The following RABGAP1 variants were observed in gnomAD, a reference collection of about 807,000 sequenced individuals.
RABGAP1 encodes the protein RAB GTPase activating protein 1, also known as rab GTPase-activating protein 1.
In RABGAP1, 23 loss-of-function variants were observed where a neutral mutation model predicts 137.6. The ratio of observed to expected loss-of-function variants is 0.17; its 90% confidence interval spans 0.12 to 0.24. The LOEUF (loss-of-function observed/expected upper bound fraction) is 0.24, where lower values mean the gene tolerates loss of function less well. RABGAP1 is among the 10% of genes least tolerant of loss of function. The probability of loss-of-function intolerance (pLI) is 1.00; values close to 1 mark genes in which losing one functional copy is unlikely to be tolerated. For synonymous variants in RABGAP1, 451 were observed against 450.7 expected (o/e 1.00, Z -0.01); for missense variants, 906 against 1,275.8 (o/e 0.71, Z 4.42).
chr9:123,011,486 G>A (rs530167885), intron 11 of RABGAP1, among the ~76,000 whole-genome samples: 2 of 152,262 alleles, frequency 1.3e-5, no homozygotes, highest in East Asian at 1.9e-4. Context: ...CTTTCTTCAT[G>A]TTTAGAGTGA....
At chr9:122,957,332 T>A in intron 2 of RABGAP1, 123 bp downstream of exon 2, 1 of 724,626 alleles carries the variant, frequency 1.4e-6, no homozygotes, top group Non-Finnish European at 2.0e-6. Flanking sequence ...CTTCTTTTTC[T>A]TTAAAGAATT....
chr9:122,943,496 G>C (rs1003487137), intron 1 of RABGAP1, among the ~76,000 whole-genome samples: 3 of 152,180 alleles, frequency 2.0e-5, no homozygotes, highest in African/African-American at 7.2e-5. Flanking sequence ...ATAGTATTTT[G>C]TTTGCAGTTT....
intron 6 of RABGAP1, among the ~76,000 whole-genome samples, chr9:122,992,655 A>G (rs909895598): frequency 1.3e-5 from 2 of 149,136 alleles, no homozygotes; most frequent in East Asian, 1.9e-4. Context: ...TTATTTAAGT[A>G]TAATGATCAA....
intron 10 of RABGAP1, among the ~76,000 whole-genome samples, chr9:123,006,012 A>G (rs188487752): frequency 6.6e-6 from 1 of 152,140 alleles, no homozygotes; most frequent in Non-Finnish European, 1.5e-5. Flanking sequence ...TGAATTTTCT[A>G]TTCATATCTT....
intron 1 of RABGAP1, among the ~76,000 whole-genome samples, chr9:122,943,683 G>A (rs905055285): frequency 2.0e-5 from 3 of 152,148 alleles, no homozygotes; most frequent in African/African-American, 7.2e-5. Context: ...GCTGGGCGCG[G>A]TGGCTCACGC....
intron 1 of RABGAP1, among the ~76,000 whole-genome samples, chr9:122,947,035 A>G (rs1375846369): frequency 2.6e-5 from 4 of 152,116 alleles, no homozygotes; most frequent in Admixed American, 6.6e-5. Context: ...ACTTACATCT[A>G]CCTCATGGAA....
chr9:123,083,514 C>T (rs1333398585), intron 19 of RABGAP1, among the ~76,000 whole-genome samples: 1 of 152,150 alleles, frequency 6.6e-6, no homozygotes, highest in East Asian at 1.9e-4. Context: ...CTCCCTTAGT[C>T]CTTATCTGTT....
intron 11 of RABGAP1, among the ~76,000 whole-genome samples, chr9:123,011,148 C>T (rs1186275828): frequency 6.6e-6 from 1 of 152,016 alleles, no homozygotes. Context: ...AACTTACTAC[C>T]AGGGCTTCGA....
intron 13 of RABGAP1, among the ~76,000 whole-genome samples, chr9:123,030,077 A>T (rs2032211651): frequency 6.6e-6 from 1 of 152,136 alleles, no homozygotes; most frequent in Non-Finnish European, 1.5e-5. Flanking sequence ...ATTAGGTTGA[A>T]CCATATAGAA....
chr9:122,945,897 G>C (rs1428997445), intron 1 of RABGAP1: 2 of 151,962 alleles, frequency 1.3e-5, no homozygotes, highest in East Asian at 3.9e-4. Context: ...AACAACCTAT[G>C]GTTTATAATT....
chr9:122,943,023 TA>T (rs200310242), intron 1 of RABGAP1, among the ~76,000 whole-genome samples: 2 of 141,782 alleles, frequency 1.4e-5, no homozygotes, highest in African/African-American at 2.7e-5. Flanking sequence ...AAATAAAAAA[TA>T]AAAAAACAAC....
chr9:123,047,915 C>A (rs2033277726), intron 13 of RABGAP1, among the ~76,000 whole-genome samples: 2 of 100,864 alleles, frequency 2.0e-5, no homozygotes, highest in Admixed American at 1.1e-4. Flanking sequence ...TTTACAGCTG[C>A]TGGGTTTTTT....
At chr9:123,037,488 CAA>C (rs2032723977) in intron 13 of RABGAP1, among the ~76,000 whole-genome samples, 1 of 152,080 alleles carries the variant, frequency 6.6e-6, no homozygotes, top group Non-Finnish European at 1.5e-5. Context: ...ATTGCCATTT[CAA>C]ATGGGAAACC....
chr9:122,997,035 A>G (rs1477794681), intron 8 of RABGAP1: 1 of 593,036 alleles, frequency 1.7e-6, no homozygotes, highest in Admixed American at 2.7e-5. Flanking sequence ...GGATTTTCTT[A>G]ATGTGTATAC....
Position 123,051,232 on chromosome 9 carries a change from T to G in RABGAP1, c.1795-14116T>G, listed in dbSNP as rs1297605842. On this transcript the variant is annotated intron_variant, in intron 13 of 25. Coordinates refer to ENST00000373647, the MANE Select transcript of RABGAP1 (RefSeq NM_012197.4). ...TTCACCTTGGTTTTTTTTTTTTTTT[T>G]TTTTTTTTTTTTTTTTTTTTTTTTT... 3.1e-4 allele frequency among the ~76,000 whole-genome samples: 20 copies of G among 63,784 alleles called. No individual in the cohort carries two copies. The South Asian group carries it at 3.5e-3, about 11-fold the overall frequency. 41.8% of individuals were successfully genotyped at this position (63,784 alleles called of 152,430 possible).
At chr9:122,956,865 C>G (rs570664606) in intron 1 of RABGAP1, 146 bp from the exon 2 acceptor site, 4 of 331,770 alleles carry the variant, frequency 1.2e-5, no homozygotes, top group Non-Finnish European at 1.6e-5. Context: ...TAAAAAAAAA[C>G]CCTAAGCTAT....
intron 12 of RABGAP1, among the ~76,000 whole-genome samples, 171 bp downstream of exon 12, chr9:123,015,807 A>G (rs917094755): frequency 6.6e-6 from 1 of 152,246 alleles, no homozygotes; most frequent in Non-Finnish European, 1.5e-5. Context: ...ATTGAAATCA[A>G]TTTTCAGAAT....
In RABGAP1 at chr9:123,020,472, T is replaced by C; in HGVS notation, c.1794+13T>C. The C allele has an allele frequency of 6.5e-7, 1 of 1,535,808 alleles. No homozygotes were observed. Among genetic ancestry groups the C allele is most frequent in the Non-Finnish European group, 8.8e-7 (1 of 1,135,974 alleles). On this transcript the variant is annotated intron_variant, in intron 13 of 25. Transcript: ENST00000373647. ...TCTTATCACAAAGGTAAGGGGGTGA[T>C]AATTCAGCTTCAGCATTAATCCTTT...
At chr9:122,945,089 A>G (rs1833867654) in intron 1 of RABGAP1, among the ~76,000 whole-genome samples, 1 of 142,668 alleles carries the variant, frequency 7.0e-6, no homozygotes, top group African/African-American at 2.5e-5. Flanking sequence ...TTCAAGGCTC[A>G]GGACTTAATG....
Sources: gnomAD v4.1 joint callset for allele counts (sites outside exome capture counted in the v4.1 genomes callset) on GRCh38, gnomAD v4.1.1 for gene constraint, MANE v1.5 for transcripts, NCBI Gene and HGNC (gene_info 2026-07-23, HGNC 2026-07-21) for gene names.